LAMA1: variants seen among roughly 807,000 people sequenced by gnomAD.
The protein encoded by LAMA1 is laminin subunit alpha-1.
In LAMA1, 219 loss-of-function variants were observed where a neutral mutation model predicts 348.7. The ratio of observed to expected loss-of-function variants is 0.63; its 90% confidence interval spans 0.56 to 0.70. LAMA1 has a LOEUF of 0.70. Among genes scored for constraint, LAMA1 ranks in the 30% least tolerant of loss-of-function variants. The pLI, the probability that LAMA1 is intolerant of heterozygous loss-of-function variation, is 0.00. For missense variants in LAMA1, 3,744 were observed against 3,888.0 expected, an observed-to-expected ratio of 0.96 and a Z score of 0.99; for synonymous variants, 1,487 against 1,491.0, an observed-to-expected ratio of 1.00 and a Z score of 0.06.
At chr18:7,097,294 A>G (rs2058265571) in intron 1 of LAMA1, among the ~76,000 whole-genome samples, 1 of 152,078 alleles carries the variant, frequency 6.6e-6, no homozygotes, top group Non-Finnish European at 1.5e-5. Flanking sequence ...AAAAAAAAAG[A>G]ATGAAAGAAA....
chr18:6,986,261 T>C lies in LAMA1; in HGVS notation c.5255A>G (p.His1752Arg). The change falls in exon 37 of 63, where the codon CAC becomes CGC. Residue 1752 changes from histidine (H) to arginine (R), a missense_variant. By Grantham distance (29) the His-to-Arg change is conservative. Coordinates refer to ENST00000389658, the MANE Select transcript of LAMA1 (RefSeq NM_005559.4). ...ELEVLKEAAS[H>R]VLSKHNNELK... ...TTCATTGTTGTGCTTTGAAAGGACGTGGCTTGCTGCTTCTTTCAATACCTC... is the reference window on the plus strand; with the variant it reads ...TTCATTGTTGTGCTTTGAAAGGACGCGGCTTGCTGCTTCTTTCAATACCTC... The C allele has an allele frequency of 1.2e-6, 2 of 1,614,220 alleles. No homozygotes were observed. The highest frequency in any genetic ancestry group is 1.7e-6 in the Non-Finnish European group (2 of 1,180,034).
chr18:7,061,591 G>A (rs1210624167), intron 3 of LAMA1, among the ~76,000 whole-genome samples: 1 of 152,140 alleles, frequency 6.6e-6, no homozygotes, highest in East Asian at 1.9e-4. Context: ...ATCACACTAG[G>A]CTTTCTCCAA....
At position 6,950,811 on chromosome 18, in the gene LAMA1, C is replaced by G; in HGVS notation, c.8368G>C (p.Ala2790Pro). The change falls in exon 58 of 63, where the codon GCA becomes CCA. Residue 2790 changes from alanine to proline, a missense_variant. This residue lies in a region of LAMA1 where 1,983 missense variants were observed against 1,934.3 expected (regional missense o/e 1.03). Coordinates refer to ENST00000389658, the MANE Select transcript of LAMA1 (RefSeq NM_005559.4). ...GKGRTKVSHP[A>P]LLSDGKWHTV... ...TGCCACTTGCCATCACTGAGCAGTG[C>G]AGGGTGAGAGACCTTTGTTCTGCCT... 1 of 1,614,098 alleles carries G rather than the reference C, an allele frequency of 6.2e-7. No individual in the cohort carries two copies. Among genetic ancestry groups the G allele is most frequent in the South Asian group, 1.1e-5 (1 of 91,064 alleles).
At chr18:6,996,641 T>C (rs2057782545) in intron 33 of LAMA1, among the ~76,000 whole-genome samples, 1 of 151,928 alleles carries the variant, frequency 6.6e-6, no homozygotes, top group African/African-American at 2.4e-5. Context: ...TAGCCAGGCA[T>C]GGTGGTGTGT....
At chr18:6,966,840 C>T (rs73938519) in intron 48 of LAMA1, among the ~76,000 whole-genome samples, 3 of 152,086 alleles carry the variant, frequency 2.0e-5, no homozygotes, top group Admixed American at 6.5e-5. Context: ...GAGATGAGTA[C>T]GTAGGTTGAA....
intron 61 of LAMA1, among the ~76,000 whole-genome samples, chr18:6,945,338 C>T (rs1287998763): frequency 6.6e-6 from 1 of 152,034 alleles, no homozygotes; most frequent in African/African-American, 2.4e-5. Flanking sequence ...TGTCATGAAT[C>T]GGAAAAGAGG....
In LAMA1 at chr18:6,953,099, A is replaced by G. The variant is rs1164807142; in HGVS notation, c.8208-2128T>C. 3.4e-5 allele frequency among the ~76,000 whole-genome samples: 5 copies of G among 145,522 alleles called. No homozygotes were observed. The East Asian group carries it at 1.0e-3, about 30-fold the overall frequency. ...AGCCATGTCTGCCTGTGTCCAGTGG[A>G]TCCACACCATAGGAGCCATGTCTGC... On this transcript the variant is annotated intron_variant, in intron 57 of 62. Transcript: ENST00000389658.
chr18:6,990,032 T>A (rs1250831724), intron 36 of LAMA1, among the ~76,000 whole-genome samples: 1 of 152,186 alleles, frequency 6.6e-6, no homozygotes, highest in Non-Finnish European at 1.5e-5. Flanking sequence ...AGTGCTGGGT[T>A]TTTTGTTTTG....
At chr18:7,008,697 T>C in intron 27 of LAMA1, 89 bp from the exon 28 acceptor site, 1 of 1,481,230 alleles carries the variant, frequency 6.8e-7, no homozygotes, top group Non-Finnish European at 9.3e-7. Flanking sequence ...TGCATATATA[T>C]GAAACCAGAG....
chr18:6,984,273 A>C (rs890046517), intron 39 of LAMA1, among the ~76,000 whole-genome samples: 2 of 152,230 alleles, frequency 1.3e-5, no homozygotes, highest in African/African-American at 2.4e-5. Context: ...CTTTTATGTC[A>C]GCATTTTTCC....
intron 3 of LAMA1, among the ~76,000 whole-genome samples, chr18:7,053,269 T>C (rs2058069149): frequency 6.6e-6 from 1 of 152,206 alleles, no homozygotes. Flanking sequence ...TGGGAACTTG[T>C]CATTACACAT....
At chr18:7,092,662 G>C (rs1211450634) in intron 1 of LAMA1, among the ~76,000 whole-genome samples, 1 of 151,408 alleles carries the variant, frequency 6.6e-6, no homozygotes, top group Non-Finnish European at 1.5e-5. Flanking sequence ...CCTTTGCAAG[G>C]TCTCCATAGC....
chr18:6,942,752 A>G (rs1168590516), intron 62 of LAMA1, among the ~76,000 whole-genome samples: 2 of 152,154 alleles, frequency 1.3e-5, no homozygotes, highest in African/African-American at 4.8e-5. Flanking sequence ...GCATAGTTAT[A>G]ACTTAAAAAA....
In LAMA1 at chr18:7,053,780, A is replaced by ATTTTTTTT. The variant is rs371341214; in HGVS notation, c.346-2852_346-2845dup. Among the ~76,000 whole-genome samples the ATTTTTTTT allele has an allele frequency of 2.2e-3, 307 of 138,248 alleles. 3 individuals are homozygous for ATTTTTTTT. The highest frequency in any genetic ancestry group is 8.0e-3 in the African/African-American group (293 of 36,808). 90.7% of individuals were successfully genotyped at this position (138,248 alleles called of 152,430 possible). A position where few individuals can be genotyped will look rare whatever the true frequency, so the allele number is the denominator to read the frequency against. ...TTTATGACAACTCCCTCATTAGAGGATTTTTTTTTTTTTTTTTTGAGACAA... is the reference window on the plus strand; with the variant it reads ...TTTATGACAACTCCCTCATTAGAGGATTTTTTTTTTTTTTTTTTTTTTTTTTGAGACAA... On this transcript the variant is annotated intron_variant, in intron 3 of 62. Transcript: ENST00000389658.
chr18:7,085,544 G>A (rs1253503698), intron 1 of LAMA1, among the ~76,000 whole-genome samples: 2 of 150,602 alleles, frequency 1.3e-5, no homozygotes, highest in East Asian at 2.0e-4. Flanking sequence ...TCAGCCTCCA[G>A]AGTAGCTGGG....
chr18:7,031,726 A>G (rs1417128266), intron 16 of LAMA1, among the ~76,000 whole-genome samples: 1 of 126,564 alleles, frequency 7.9e-6, no homozygotes, highest in African/African-American at 3.2e-5. Context: ...TAAAGATCCT[A>G]TGCTTTGTAT....
At chr18:7,038,458 ATGGCCCCACG>A in intron 11 of LAMA1, 1 of 372,284 alleles carries the variant, frequency 2.7e-6, no homozygotes, top group South Asian at 2.3e-5. Flanking sequence ...GAAAATCCCC[ATGGCCCCACG>A]GCCCTCTGGG....
intron 6 of LAMA1, among the ~76,000 whole-genome samples, chr18:7,045,835 A>C (rs1291689462): frequency 2.0e-5 from 3 of 152,102 alleles, no homozygotes; most frequent in African/African-American, 7.2e-5. Flanking sequence ...CTGGGATTAC[A>C]GGTGTAAGCC....
At chr18:6,947,321 G>C (rs753049179) in intron 60 of LAMA1, 25 bp from the exon 61 acceptor site, 2 of 1,612,860 alleles carry the variant, frequency 1.2e-6, no homozygotes, top group Non-Finnish European at 1.7e-6. Flanking sequence ...GAGGACCCAA[G>C]TCAGGGTGAG....
Sources: gnomAD v4.1 joint callset for allele counts (sites outside exome capture counted in the v4.1 genomes callset) on GRCh38, gnomAD v4.1.1 for gene constraint, gnomAD v4.1.1 regional missense constraint, MANE v1.5 for transcripts, NCBI Gene and HGNC (gene_info 2026-07-23, HGNC 2026-07-21) for gene names.